Variants in STIP1 observed in about 807,000 individuals in gnomAD.
STIP1 encodes the protein stress-induced-phosphoprotein 1.
Under a neutral mutation model 77.4 loss-of-function variants are expected in STIP1, and 16 were observed. The ratio of observed to expected loss-of-function variants is 0.21; its 90% CI spans 0.14 to 0.31. STIP1 has a LOEUF of 0.31. Ranked by LOEUF, STIP1 falls within the 10% of genes least tolerant of loss-of-function variation. The pLI, the probability that STIP1 is intolerant of heterozygous loss-of-function variation, is 1.00. For synonymous variants in STIP1, 258 were observed against 246.6 expected, an observed-to-expected ratio of 1.05 and a Z score of -0.44; for missense variants, 524 against 684.8, an observed-to-expected ratio of 0.77 and a Z score of 2.62.
chr11:64,201,056 G>A (rs898925134), intron 10 of STIP1, among the ~76,000 whole-genome samples: 24 of 124,162 alleles, frequency 1.9e-4, no homozygotes, highest in African/African-American at 6.8e-4. Context: ...AAAAAAAAAA[G>A]ACAAGGTCTG....
At chr11:64,201,167 G>GT (rs953322903) in intron 10 of STIP1, among the ~76,000 whole-genome samples, 4 of 152,066 alleles carry the variant, frequency 2.6e-5, no homozygotes, top group Non-Finnish European at 5.9e-5. Flanking sequence ...AGCCTCCTGA[G>GT]TAGCTGGGAC....
At chr11:64,194,715 C>A in intron 4 of STIP1, 95 bp downstream of exon 4, 1 of 1,480,930 alleles carries the variant, frequency 6.8e-7, no homozygotes, top group Non-Finnish European at 9.0e-7. Context: ...GTCTAAACTG[C>A]AGAGTTTTTG....
intron 7 of STIP1, 70 bp downstream of exon 7, chr11:64,197,665 C>T: frequency 1.3e-6 from 2 of 1,586,596 alleles, no homozygotes; most frequent in Non-Finnish European, 1.7e-6. Context: ...AGTTTCTCTG[C>T]ATGGGGAGGA....
At chr11:64,194,796 C>T (rs995497710) in intron 4 of STIP1, among the ~76,000 whole-genome samples, 176 bp downstream of exon 4, 5 of 152,158 alleles carry the variant, frequency 3.3e-5, no homozygotes, top group Non-Finnish European at 7.4e-5. Context: ...GTCAGGGGAG[C>T]ATATTTCACA....
chr11:64,203,761 C>T, intron 13 of STIP1, 139 bp downstream of exon 13: 3 of 1,168,164 alleles, frequency 2.6e-6, no homozygotes, highest in Admixed American at 2.2e-5. Context: ...AGGAGATTGG[C>T]AGTGGGTGGC....
intron 13 of STIP1, 74 bp downstream of exon 13, chr11:64,203,696 G>A (rs1946247523): frequency 6.3e-7 from 1 of 1,582,908 alleles, no homozygotes; most frequent in Non-Finnish European, 8.6e-7. Context: ...CGCGGCTGGG[G>A]GGTGGTATGC....
chr11:64,196,329 G>A (rs1946149607), intron 5 of STIP1, among the ~76,000 whole-genome samples: 1 of 147,944 alleles, frequency 6.8e-6, no homozygotes, highest in Non-Finnish European at 1.5e-5. Flanking sequence ...TCGGGAGGCA[G>A]AGGTTGCAAT....
chr11:64,201,397 T>A (rs1227813875), intron 10 of STIP1, among the ~76,000 whole-genome samples: 1 of 152,196 alleles, frequency 6.6e-6, no homozygotes, highest in Non-Finnish European at 1.5e-5. Flanking sequence ...CCATCCTTGC[T>A]TGCTTTTCTG....
chr11:64,200,668 A>T (rs1228225056), intron 10 of STIP1, among the ~76,000 whole-genome samples: 1 of 151,500 alleles, frequency 6.6e-6, no homozygotes, highest in African/African-American at 2.4e-5. Context: ...GTCCTGGTCC[A>T]TGGAGTCACT....
At chr11:64,201,015 C>G (rs1438297074) in intron 10 of STIP1, among the ~76,000 whole-genome samples, 2 of 149,444 alleles carry the variant, frequency 1.3e-5, no homozygotes. Flanking sequence ...GCGTGAACCA[C>G]CACGCTTGGC....
At chr11:64,190,310 A>G (rs1401647055) in intron 1 of STIP1, among the ~76,000 whole-genome samples, 1 of 152,134 alleles carries the variant, frequency 6.6e-6, no homozygotes, top group Non-Finnish European at 1.5e-5. Context: ...AGTAGCTGGG[A>G]TTACAGGCAT....
Position 64,204,138 on chromosome 11 carries a change from TC to T in STIP1, c.*18del. 4 of 1,613,870 alleles carry T rather than the reference TC, an allele frequency of 2.5e-6. No individual in the cohort carries two copies. Among genetic ancestry groups the T allele is most frequent in the Non-Finnish European group, 3.4e-6 (4 of 1,179,948 alleles). ...TTGCAATTCGGTGATGACTTGTTCA[TC>T]CCCCCTTCCCTTCGCCCTCATGTGG... On this transcript the variant is annotated 3_prime_UTR_variant, in exon 14 of 14. Transcript: ENST00000305218.
chr11:64,188,678 T>G (rs966408854), intron 1 of STIP1, among the ~76,000 whole-genome samples: 1 of 152,204 alleles, frequency 6.6e-6, no homozygotes, highest in Non-Finnish European at 1.5e-5. Flanking sequence ...TCACCTTGCC[T>G]GGTCTTAAAA....
intron 2 of STIP1, among the ~76,000 whole-genome samples, chr11:64,193,762 G>A (rs1946117486): frequency 6.6e-6 from 1 of 152,054 alleles, no homozygotes; most frequent in African/African-American, 2.4e-5. Context: ...ATCCAGCCCA[G>A]GTGACACGGC....
At chr11:64,186,118 G>A, upstream of STIP1, 5 of 1,550,728 alleles carry the variant, frequency 3.2e-6, no homozygotes, top group South Asian at 6.0e-5. Flanking sequence ...ATTCCCCCTA[G>A]AAGAACTCGA....
Position 64,193,315 on chromosome 11 carries a change from G to C in STIP1, c.219+28G>C, listed in dbSNP as rs187326824. 1.9e-6 allele frequency: 3 copies of C among 1,611,164 alleles called. No individual in the cohort carries two copies. In the African/African-American group the frequency reaches 4.0e-5, roughly 21 times the overall value. On this transcript the variant is annotated intron_variant, in intron 2 of 13. Coordinates refer to ENST00000305218, the MANE Select transcript of STIP1 (RefSeq NM_006819.3). ...CAGCTGTGGGCAGTGGAGGGAGAGAGGCCCTTCAGACCCTTCCAGAAATGC... is the reference window on the plus strand; with the variant it reads ...CAGCTGTGGGCAGTGGAGGGAGAGACGCCCTTCAGACCCTTCCAGAAATGC...
At chr11:64,187,399 G>GT (rs1565276653) in intron 1 of STIP1, among the ~76,000 whole-genome samples, 1 of 151,698 alleles carries the variant, frequency 6.6e-6, no homozygotes, top group Non-Finnish European at 1.5e-5. Flanking sequence ...ACTATACCTG[G>GT]TATCTGGTTC....
intron 10 of STIP1, among the ~76,000 whole-genome samples, chr11:64,200,510 C>T (rs1946205821): frequency 6.6e-6 from 1 of 151,340 alleles, no homozygotes. Flanking sequence ...TGGGGTCTTG[C>T]TGTGTTGCCC....
At chr11:64,200,129 T>C in intron 9 of STIP1, 40 bp from the exon 10 acceptor site, 1 of 1,610,686 alleles carries the variant, frequency 6.2e-7, no homozygotes, top group Non-Finnish European at 8.5e-7. Context: ...CATGGGGGCT[T>C]TTTGCTTTTT....
Sources: allele counts gnomAD v4.1 joint callset (sites outside exome capture counted in the v4.1 genomes callset), GRCh38; gene constraint gnomAD v4.1.1; transcripts MANE v1.5; gene names NCBI Gene and HGNC (gene_info 2026-07-23, HGNC 2026-07-21).